WASHC2A: variants seen among roughly 807,000 people sequenced by gnomAD.
WASHC2A encodes WASH complex subunit 2A.
A neutral mutation model predicts 140.3 loss-of-function variants in WASHC2A; 82 were observed. The observed-to-expected ratio is 0.58, with a 90% CI of 0.49 to 0.70. The LOEUF (loss-of-function observed/expected upper bound fraction) is 0.70, where lower values mean the gene tolerates loss of function less well. WASHC2A is among the 30% of genes least tolerant of loss of function. The pLI, the probability that WASHC2A is intolerant of heterozygous loss-of-function variation, is 0.00. For synonymous variants in WASHC2A, 340 were observed against 560.8 expected, an observed-to-expected ratio of 0.61 and a Z score of 5.56; for missense variants, 985 against 1,521.8, an observed-to-expected ratio of 0.65 and a Z score of 5.87.
intron 4 of WASHC2A, 151 bp downstream of exon 4, chr10:50,078,888 T>C: frequency 6.7e-7 from 1 of 1,492,786 alleles, no homozygotes; most frequent in Non-Finnish European, 9.2e-7. Context: ...TTCTTTCCTT[T>C]GTTTCTGAAA....
At chr10:50,087,804 G>A (rs1839514477) in intron 8 of WASHC2A, among the ~76,000 whole-genome samples, 1 of 152,116 alleles carries the variant, frequency 6.6e-6, no homozygotes, top group Admixed American at 6.5e-5. Context: ...TTTTATAAAT[G>A]TATCCTTATT....
chr10:50,133,052 C>T lies in WASHC2A; in HGVS notation c.*107C>T, dbSNP rs1453879564. 19 of 1,595,034 alleles carry T rather than the reference C, an allele frequency of 1.2e-5. No homozygotes were observed. Among genetic ancestry groups the T allele is most frequent in the Non-Finnish European group, 1.5e-5 (17 of 1,170,550 alleles). ...GGATTACAAAAAGCAAATACTAGAA[C>T]AGCTAGCTCATCGTTCACCCAATGT... On this transcript the variant is annotated 3_prime_UTR_variant, in exon 31 of 31. Coordinates refer to ENST00000282633, the MANE Select transcript of WASHC2A (RefSeq NM_001005751.3).
chr10:50,077,168 C>T (rs1401476938), intron 3 of WASHC2A, among the ~76,000 whole-genome samples: 1 of 151,324 alleles, frequency 6.6e-6, no homozygotes, highest in African/African-American at 2.4e-5. Flanking sequence ...GTGGTGCCCG[C>T]CTGTAATCCC....
At position 50,094,050 on chromosome 10, in the gene WASHC2A, C is replaced by G. The variant is rs1840190252; in HGVS notation, c.1180+133C>G. The G allele has an allele frequency of 2.1e-6, 3 of 1,416,188 alleles. No homozygotes were observed. In the Admixed American group the frequency reaches 5.9e-5, roughly 28 times the overall value. The allele number at this position is 1,416,188 out of a possible 1,614,324, so 87.7% of individuals were successfully genotyped here. ...AGGAAGCTGTTGTTTTTACTGTGGT[C>G]CAGTTGAAAGTAATTCATCTTCACT... On this transcript the variant is annotated intron_variant, in intron 13 of 30. Coordinates refer to ENST00000282633, the MANE Select transcript of WASHC2A (RefSeq NM_001005751.3).
chr10:50,106,534 G>C (rs1554888654), intron 19 of WASHC2A, 69 bp downstream of exon 19: 3 of 1,595,462 alleles, frequency 1.9e-6, no homozygotes, highest in Middle Eastern at 2.3e-4. Context: ...GCCATCCCAA[G>C]TCTTTTTCTA....
At chr10:50,124,876 A>G (rs11004019) in intron 23 of WASHC2A, among the ~76,000 whole-genome samples, 70 of 149,604 alleles carry the variant, frequency 4.7e-4, no homozygotes, top group African/African-American at 1.6e-3. Context: ...GTGCATATAT[A>G]TATATGTAAA....
intron 4 of WASHC2A, 80 bp downstream of exon 4, chr10:50,078,817 G>T: frequency 1.2e-6 from 2 of 1,611,776 alleles, no homozygotes; most frequent in Admixed American, 3.3e-5. Context: ...GTGGGAACTG[G>T]GGGATGGTGG....
intron 3 of WASHC2A, among the ~76,000 whole-genome samples, chr10:50,076,750 G>A (rs9702050): frequency 1.3e-5 from 2 of 151,674 alleles, no homozygotes; most frequent in African/African-American, 2.4e-5. Flanking sequence ...GGCCAAGGCC[G>A]ATGGATCACT....
chr10:50,110,022 G>C (rs2669687), intron 19 of WASHC2A, 79 bp from the exon 20 acceptor site: 23 of 1,306,340 alleles, frequency 1.8e-5, no homozygotes, highest in Non-Finnish European at 2.5e-5. Flanking sequence ...CACCCGCCTC[G>C]GCCTCCCAAA....
At chr10:50,101,847 G>A (rs1397266389) in intron 17 of WASHC2A, among the ~76,000 whole-genome samples, 1 of 148,782 alleles carries the variant, frequency 6.7e-6, no homozygotes, top group Non-Finnish European at 1.5e-5. Context: ...TGGTACCTGG[G>A]CACTGGGGCC....
At chr10:50,097,903 T>C (rs1554885232) in intron 16 of WASHC2A, 101 bp downstream of exon 16, 14 of 1,572,922 alleles carry the variant, frequency 8.9e-6, no homozygotes, top group African/African-American at 1.4e-5. Flanking sequence ...CACGTTCATA[T>C]TGAAGAACTT....
chr10:50,076,047 TGG>T (rs1838284067), intron 3 of WASHC2A, among the ~76,000 whole-genome samples: 1 of 151,810 alleles, frequency 6.6e-6, no homozygotes, highest in South Asian at 2.1e-4. Flanking sequence ...CCTGAGTAGC[TGG>T]GATTACAGGC....
intron 5 of WASHC2A, among the ~76,000 whole-genome samples, chr10:50,081,911 A>G (rs1306123142): frequency 6.6e-6 from 1 of 152,022 alleles, no homozygotes; most frequent in African/African-American, 2.4e-5. Context: ...GGGATTACAG[A>G]CATGAGCCAC....
chr10:50,128,797 T>C (rs2338072), intron 28 of WASHC2A, among the ~76,000 whole-genome samples: 91,927 of 151,858 alleles, frequency 0.61, 27,974 homozygotes, highest in South Asian at 0.71. Context: ...CTATCATAAA[T>C]ACTGCATCAT....
At chr10:50,086,477 G>T (rs1445349062) in intron 7 of WASHC2A, among the ~76,000 whole-genome samples, 4 of 151,768 alleles carry the variant, frequency 2.6e-5, no homozygotes, top group African/African-American at 9.7e-5. Flanking sequence ...TAAGTTTTAG[G>T]GTACATGTGC....
intron 17 of WASHC2A, among the ~76,000 whole-genome samples, chr10:50,100,640 G>T (rs1250313349): frequency 4.7e-4 from 71 of 152,282 alleles, no homozygotes; most frequent in African/African-American, 1.6e-3. Context: ...CTGTTCATGG[G>T]CTCATGATGT....
chr10:50,131,458 C>G (rs1220371040), intron 30 of WASHC2A, among the ~76,000 whole-genome samples: 1 of 152,166 alleles, frequency 6.6e-6, no homozygotes, highest in Non-Finnish European at 1.5e-5. Context: ...TTGGTTGAGT[C>G]AGAGCTCCAG....
At chr10:50,120,489 G>A (rs548428522) in intron 23 of WASHC2A, among the ~76,000 whole-genome samples, 26,205 of 133,316 alleles carry the variant, frequency 0.2, 3,059 homozygotes, top group East Asian at 0.45. Context: ...GCGTGATGAC[G>A]CTTGCCTGTA....
At position 50,103,428 on chromosome 10, in the gene WASHC2A, C is replaced by A. The variant is rs1275171256; in HGVS notation, c.1636-614C>A. Among the ~76,000 whole-genome samples, 6 of 152,192 alleles carry A rather than the reference C, an allele frequency of 3.9e-5. No homozygotes were observed. In the South Asian group the frequency reaches 1.2e-3, roughly 32 times the overall value. ...CAAAAAAATTAGCCAGGCGTGGTGG[C>A]AGGCGCCTGTAGTCTCAGCTACTCA... On this transcript the variant is annotated intron_variant, in intron 17 of 30. Transcript: ENST00000282633.
Sources: gnomAD v4.1 joint callset for allele counts (sites outside exome capture counted in the v4.1 genomes callset) on GRCh38, gnomAD v4.1.1 for gene constraint, MANE v1.5 for transcripts, NCBI Gene and HGNC (gene_info 2026-07-23, HGNC 2026-07-21) for gene names.